Variants in NUCKS1 observed in about 807,000 individuals in gnomAD.
The protein encoded by NUCKS1 is nuclear ubiquitous casein and cyclin-dependent kinase substrate 1.
NUCKS1 carries 2 observed loss-of-function variants against 33.0 expected under a neutral mutation model. The observed-to-expected ratio is 0.06, with a 90% CI of 0.02 to 0.19. The LOEUF (loss-of-function observed/expected upper bound fraction) is 0.19. Among genes scored for constraint, NUCKS1 ranks in the 10% least tolerant of loss-of-function variants. The pLI is 1.00. For synonymous variants in NUCKS1, 106 were observed against 102.8 expected (o/e 1.03, Z -0.19); for missense variants, 201 against 293.6 (o/e 0.68, Z 2.31).
In NUCKS1 at chr1:205,717,494, T is replaced by TG; in HGVS notation, c.*785dup. ...TGAAATCAAGAGTTTTGGCAGCCCC[T>TG]GCTTTTTTTTTTTTTTTAGCTCCCT... is the stretch of plus-strand genomic sequence containing the variant. On this transcript the variant is annotated 3_prime_UTR_variant, in exon 7 of 7. Transcript: ENST00000367142. 1 of 975,992 alleles carries TG rather than the reference T, an allele frequency of 1.0e-6. No individual in the cohort carries two copies. The highest frequency in any genetic ancestry group is 1.2e-6 in the Non-Finnish European group (1 of 822,870). The allele number at this position is 975,992 out of a possible 1,614,324, so 60.5% of individuals were successfully genotyped here.
chr1:205,731,724 C>T lies in NUCKS1; in HGVS notation c.18-2103G>A, dbSNP rs1313070033. Among the ~76,000 whole-genome samples, 9 of 151,902 alleles carry T rather than the reference C, an allele frequency of 5.9e-5. No homozygotes were observed. In the East Asian group the frequency reaches 1.7e-3, roughly 29 times the overall value. The stretch of plus-strand genomic sequence containing the variant: ...GGCCAACGTGGTGAAACCCCGTCTC[C>T]ACTAAAAATACTAAAAAATTAGCTG... On this transcript the variant is annotated intron_variant, in intron 1 of 6. Transcript: ENST00000367142.
At chr1:205,732,875 A>G (rs1653949692) in intron 1 of NUCKS1, among the ~76,000 whole-genome samples, 2 of 152,110 alleles carry the variant, frequency 1.3e-5, no homozygotes, top group African/African-American at 4.8e-5. Flanking sequence ...TGACTATGAA[A>G]AAATCTAATA....
In NUCKS1 at chr1:205,750,026, C is replaced by G. The variant is rs376759057; in HGVS notation, c.-53G>C. 113 of 1,004,828 alleles carry G rather than the reference C, an allele frequency of 1.1e-4. No individual in the cohort carries two copies. Among genetic ancestry groups the G allele is most frequent in the Middle Eastern group, 3.4e-4 (1 of 2,912 alleles). 62.2% of individuals were successfully genotyped at this position (1,004,828 alleles called of 1,614,324 possible). A position where few individuals can be genotyped will look rare whatever the true frequency, so the allele number is the denominator to read the frequency against. On this transcript the variant is annotated 5_prime_UTR_variant, in exon 1 of 7. Coordinates refer to ENST00000367142, the MANE Select transcript of NUCKS1 (RefSeq NM_022731.5). The stretch of plus-strand genomic sequence containing the variant: ...AGAAGCCAAAGACCAGGACCCCCCC[C>G]ACCCCGCGCGCTCGGCGCCCCACCC...
chr1:205,723,805 G>A (rs910816765), intron 4 of NUCKS1, 121 bp downstream of exon 4: 1 of 666,102 alleles, frequency 1.5e-6, no homozygotes, highest in Non-Finnish European at 2.6e-6. Context: ...CTTTGAAGAT[G>A]GAAACGTCTT....
At position 205,750,176 on chromosome 1, in the gene NUCKS1, A is replaced by C; in HGVS notation, c.-203T>G. On this transcript the variant is annotated 5_prime_UTR_variant, in exon 1 of 7. In the 5' UTR this introduces an upstream ATG that the reference lacks. Transcript: ENST00000367142. ...GCCCCCCGCTCCCCCGTCTCTTCAA[A>C]ATGGATGAATCAAACCAGCCGAAAA... 1 of 566,516 alleles carries C rather than the reference A, an allele frequency of 1.8e-6. No homozygotes were observed. Among genetic ancestry groups the C allele is most frequent in the Non-Finnish European group, 3.2e-6 (1 of 313,614 alleles). The allele number at this position is 566,516 out of a possible 1,614,324, so 35.1% of individuals were successfully genotyped here. A position where few individuals can be genotyped will look rare whatever the true frequency, so the allele number is the denominator to read the frequency against.
intron 1 of NUCKS1, among the ~76,000 whole-genome samples, chr1:205,732,343 G>C (rs1329637938): frequency 1.3e-5 from 2 of 152,160 alleles, no homozygotes; most frequent in Non-Finnish European, 2.9e-5. Context: ...AATTCAGAGA[G>C]ACAGAAAGTA....
chr1:205,750,077 G>T lies in NUCKS1; in HGVS notation c.-104C>A. On this transcript the variant is annotated 5_prime_UTR_variant, in exon 1 of 7. Coordinates refer to ENST00000367142, the MANE Select transcript of NUCKS1 (RefSeq NM_022731.5). ...CCCCCGAACTTCAGCCGATGGGACC[G>T]CTGCTGCCGAACCCCGAGCTGCTGG... 8.1e-7 allele frequency: 1 copy of T among 1,230,716 alleles called. No individual in the cohort carries two copies. The highest frequency in any genetic ancestry group is 1.1e-6 in the Non-Finnish European group (1 of 895,314). The allele number at this position is 1,230,716 out of a possible 1,614,324, so 76.2% of individuals were successfully genotyped here. A position where few individuals can be genotyped will look rare whatever the true frequency, so the allele number is the denominator to read the frequency against.
Position 205,717,754 on chromosome 1 carries a change from T to C in NUCKS1, c.*526A>G, listed in dbSNP as rs1237696934. 1 of 985,012 alleles carries C rather than the reference T, an allele frequency of 1.0e-6. No homozygotes were observed. The allele number at this position is 985,012 out of a possible 1,614,324, so 61.0% of individuals were successfully genotyped here. A position where few individuals can be genotyped will look rare whatever the true frequency, so the allele number is the denominator to read the frequency against. ...GATTTTTTTTAGACATTGATACTTGTGTCTATAGACAAATAAACTCATATT... is the reference window on the plus strand; with the variant it reads ...GATTTTTTTTAGACATTGATACTTGCGTCTATAGACAAATAAACTCATATT... On this transcript the variant is annotated 3_prime_UTR_variant, in exon 7 of 7. Transcript: ENST00000367142.
chr1:205,747,485 T>C (rs1654360634), intron 1 of NUCKS1, among the ~76,000 whole-genome samples: 1 of 152,184 alleles, frequency 6.6e-6, no homozygotes, highest in Admixed American at 6.5e-5. Context: ...AGCCAATAGG[T>C]CCACCATACC....
chr1:205,749,392 C>A (rs1654417898), intron 1 of NUCKS1, among the ~76,000 whole-genome samples: 1 of 152,214 alleles, frequency 6.6e-6, no homozygotes, highest in Non-Finnish European at 1.5e-5. Flanking sequence ...GGGCCTGCAG[C>A]GACCCCGAAG....
rs539901497 is a variant in NUCKS1, at chr1:205,741,002, T to C, written c.17+8955A>G. Among the ~76,000 whole-genome samples, 326 of 152,052 alleles carry C rather than the reference T, an allele frequency of 2.1e-3. 16 individuals carry two copies. In the South Asian group the frequency reaches 0.065, roughly 30 times the overall value. ...AGTTTCACCATATAGGAAAATGTTT[T>C]CTTTTAAAGTCACACACGGCCGGGC... On this transcript the variant is annotated intron_variant, in intron 1 of 6. Coordinates refer to ENST00000367142, the MANE Select transcript of NUCKS1 (RefSeq NM_022731.5).
At chr1:205,747,338 A>G (rs1654357491) in intron 1 of NUCKS1, among the ~76,000 whole-genome samples, 1 of 152,208 alleles carries the variant, frequency 6.6e-6, no homozygotes, top group South Asian at 2.1e-4. Context: ...ATTTTAAGCT[A>G]TTAATTTGAA....
intron 1 of NUCKS1, among the ~76,000 whole-genome samples, chr1:205,742,717 C>G (rs1301312782): frequency 1.3e-5 from 2 of 152,026 alleles, no homozygotes; most frequent in African/African-American, 2.4e-5. Context: ...CCCAGCTACT[C>G]GCGAGGCTGA....
At chr1:205,741,313 A>G (rs1215599517) in intron 1 of NUCKS1, among the ~76,000 whole-genome samples, 3 of 151,326 alleles carry the variant, frequency 2.0e-5, no homozygotes, top group African/African-American at 7.3e-5. Context: ...AAAAAAAAAA[A>G]AAAAAAGAAA....
chr1:205,749,745 C>CGGGGCGGGGA (rs1654437961), intron 1 of NUCKS1, among the ~76,000 whole-genome samples: 1 of 149,782 alleles, frequency 6.7e-6, no homozygotes, highest in African/African-American at 2.4e-5. Flanking sequence ...TGCAGCGGCG[C>CGGGGCGGGGA]GGGGCGGGGA....
At chr1:205,719,772 T>A in intron 5 of NUCKS1, 96 bp from the exon 6 acceptor site, 2 of 1,358,482 alleles carry the variant, frequency 1.5e-6, no homozygotes, top group Non-Finnish European at 2.0e-6. Flanking sequence ...AGGATGGGAT[T>A]TGGGAGTCAA....
In NUCKS1 at chr1:205,714,553, G is replaced by A. The variant is rs984077708; in HGVS notation, c.*3727C>T. The A allele has an allele frequency of 4.0e-5, 6 of 151,856 alleles. No individual in the cohort carries two copies. Among genetic ancestry groups the A allele is most frequent in the African/African-American group, 1.5e-4 (6 of 41,332 alleles). 9.4% of individuals were successfully genotyped at this position (151,856 alleles called of 1,614,324 possible). On this transcript the variant is annotated 3_prime_UTR_variant, in exon 7 of 7. Coordinates refer to ENST00000367142, the MANE Select transcript of NUCKS1 (RefSeq NM_022731.5). ...GATTCAAAAAGAATCATTTTGTATC[G>A]AATTTACCCCAGACAAAGGGAAAAC...
chr1:205,735,757 AT>A (rs1200161233), intron 1 of NUCKS1, among the ~76,000 whole-genome samples: 1 of 152,232 alleles, frequency 6.6e-6, no homozygotes, highest in Non-Finnish European at 1.5e-5. Context: ...ATTATTACTT[AT>A]AAGTATTAAC....
chr1:205,741,972 A>G (rs543017135), intron 1 of NUCKS1, among the ~76,000 whole-genome samples: 62 of 152,304 alleles, frequency 4.1e-4, no homozygotes, highest in African/African-American at 1.5e-3. Flanking sequence ...ATAGTCTCTG[A>G]TTTTATAGAA....
Sources: gnomAD v4.1 joint callset for allele counts (sites outside exome capture counted in the v4.1 genomes callset) on GRCh38, gnomAD v4.1.1 for gene constraint, MANE v1.5 for transcripts, NCBI Gene and HGNC (gene_info 2026-07-23, HGNC 2026-07-21) for gene names.